CMSS1: variants seen among roughly 807,000 people sequenced by gnomAD.
The protein encoded by CMSS1 is protein CMSS1.
In CMSS1, 33 loss-of-function variants were observed where a neutral mutation model predicts 43.5. That is an observed-to-expected ratio of 0.76 (90% CI 0.57 to 1.01). The LOEUF (loss-of-function observed/expected upper bound fraction) is 1.01. Ranked by LOEUF, CMSS1 falls within the 50% of genes least tolerant of loss-of-function variation. CMSS1 has a pLI of 0.00. For missense variants in CMSS1, 313 were observed against 326.4 expected (o/e 0.96, Z 0.32); for synonymous variants, 115 against 117.2 (o/e 0.98, Z 0.12).
intron 1 of CMSS1, among the ~76,000 whole-genome samples, chr3:99,917,998 G>T (rs567984205): frequency 1.3e-4 from 20 of 152,130 alleles, no homozygotes; most frequent in African/African-American, 4.8e-4. Context: ...TTTTTTTTGA[G>T]ACAGATTCTT....
intron 7 of CMSS1, 154 bp from the exon 8 acceptor site, chr3:100,172,162 A>G (rs544699406): frequency 4.5e-6 from 3 of 673,388 alleles, no homozygotes; most frequent in Non-Finnish European, 7.6e-6. Context: ...TTTTCTAGGG[A>G]TATGCTCATC....
chr3:99,968,856 A>G (rs1050561120), intron 1 of CMSS1, among the ~76,000 whole-genome samples: 104 of 152,208 alleles, frequency 6.8e-4, no homozygotes, highest in Non-Finnish European at 1.8e-4. Flanking sequence ...GTAAATGGGT[A>G]GGGTAAGAAA....
chr3:99,848,946 A>T, intron 1 of CMSS1: 2 of 1,614,142 alleles, frequency 1.2e-6, no homozygotes, highest in South Asian at 2.2e-5. Flanking sequence ...TGTTTTGTAC[A>T]TGGTCTGGAG....
At chr3:99,956,726 A>G (rs1156589722) in intron 1 of CMSS1, among the ~76,000 whole-genome samples, 2 of 152,132 alleles carry the variant, frequency 1.3e-5, no homozygotes, top group African/African-American at 4.8e-5. Context: ...CTGTAGCTGT[A>G]GTTTCTTTCT....
rs12636771 is a variant in CMSS1 at position 100,156,049 on chromosome 3, G to A, written c.154-4381G>A. The stretch of plus-strand genomic sequence containing the variant: ...AATCTGGAGTTTTATGTTCTAGAAA[G>A]TTTCCTTCAGGCAACACAAAAGTTT... On this transcript the variant is annotated intron_variant, in intron 2 of 9. Coordinates refer to ENST00000421999, the MANE Select transcript of CMSS1 (RefSeq NM_032359.4). 3.9e-4 allele frequency among the ~76,000 whole-genome samples: 59 copies of A among 151,996 alleles called. No homozygotes were observed. The East Asian group carries it at 0.011, about 27-fold the overall frequency.
intron 1 of CMSS1, among the ~76,000 whole-genome samples, chr3:99,903,030 C>T (rs1576560179): frequency 6.6e-6 from 1 of 152,114 alleles, no homozygotes; most frequent in Admixed American, 6.5e-5. Context: ...GGTCAAACTT[C>T]TGGGTTTAAT....
chr3:99,850,724 T>C (rs755320859), intron 1 of CMSS1: 4 of 1,614,232 alleles, frequency 2.5e-6, no homozygotes, highest in Middle Eastern at 1.6e-4. Context: ...CGATTTTGAC[T>C]GTCCTCATTG....
chr3:100,072,141 C>T (rs899442283), intron 1 of CMSS1, among the ~76,000 whole-genome samples: 1 of 152,178 alleles, frequency 6.6e-6, no homozygotes, highest in Non-Finnish European at 1.5e-5. Flanking sequence ...TATTTTAAGA[C>T]CAAACACTAG....
intron 1 of CMSS1, among the ~76,000 whole-genome samples, chr3:99,884,528 C>T (rs972578383): frequency 6.6e-6 from 1 of 152,136 alleles, no homozygotes; most frequent in African/African-American, 2.4e-5. Flanking sequence ...AGCCTACTGT[C>T]TGTCAGTCAC....
intron 1 of CMSS1, among the ~76,000 whole-genome samples, chr3:100,135,438 ATGTGTGTGTGTGTGTGTGTGTGTGTGTG>A (rs71132511): frequency 2.2e-4 from 26 of 120,836 alleles, no homozygotes; most frequent in African/African-American, 7.5e-4. Context: ...GTGTGTGTGC[ATGTGTGTGTGTGTGTGTGTGTGTGTGTG>A]TGTGTGTGTG....
At chr3:100,003,343 T>C (rs1455820317) in intron 1 of CMSS1, among the ~76,000 whole-genome samples, 1 of 152,232 alleles carries the variant, frequency 6.6e-6, no homozygotes, top group Non-Finnish European at 1.5e-5. Context: ...GCACCTGCCA[T>C]ATGCCCAGCA....
At position 100,087,948 on chromosome 3, in the gene CMSS1, A is replaced by G. The variant is rs1031542313; in HGVS notation, c.65-59025A>G. 4.0e-5 allele frequency among the ~76,000 whole-genome samples: 6 copies of G among 149,484 alleles called. No individual in the cohort carries two copies. The Admixed American group carries it at 4.1e-4, about 10-fold the overall frequency. ...AGGGTTCAAGCAATTCTCCTGCCTCAGCCTCTCAAGTAGCTGGGATTACAG... is the reference window on the plus strand; with the variant it reads ...AGGGTTCAAGCAATTCTCCTGCCTCGGCCTCTCAAGTAGCTGGGATTACAG... On this transcript the variant is annotated intron_variant, in intron 1 of 9. Transcript: ENST00000421999.
chr3:100,118,244 T>C (rs2066592317), intron 1 of CMSS1, among the ~76,000 whole-genome samples: 1 of 151,942 alleles, frequency 6.6e-6, no homozygotes, highest in South Asian at 2.1e-4. Flanking sequence ...TAATATGTTC[T>C]GTGTATTTAC....
At chr3:99,930,364 G>C (rs1489050611) in intron 1 of CMSS1, among the ~76,000 whole-genome samples, 1 of 152,172 alleles carries the variant, frequency 6.6e-6, no homozygotes, top group Non-Finnish European at 1.5e-5. Context: ...ATGTGTACCA[G>C]CTGTTTTTAG....
At chr3:99,972,080 T>C (rs985786383) in intron 1 of CMSS1, among the ~76,000 whole-genome samples, 8 of 152,200 alleles carry the variant, frequency 5.3e-5, no homozygotes, top group Non-Finnish European at 1.0e-4. Context: ...CGAATATTAT[T>C]GAGAGGAACC....
intron 1 of CMSS1, chr3:100,115,035 A>G: frequency 7.3e-7 from 1 of 1,372,290 alleles, no homozygotes; most frequent in Non-Finnish European, 1.0e-6. Flanking sequence ...TTTGTTTTAT[A>G]TTATTCAAGT....
intron 1 of CMSS1, among the ~76,000 whole-genome samples, chr3:99,869,697 T>A (rs1267592049): frequency 6.6e-6 from 1 of 152,234 alleles, no homozygotes; most frequent in Non-Finnish European, 1.5e-5. Flanking sequence ...ACTTAAGTCT[T>A]GCGAGCCCAA....
At position 99,849,122 on chromosome 3, in the gene CMSS1, A is replaced by C. The variant is rs754626600; in HGVS notation, c.64+31079A>C. 3 of 1,613,964 alleles carry C rather than the reference A, an allele frequency of 1.9e-6. No homozygotes were observed. The South Asian group carries it at 3.3e-5, about 18-fold the overall frequency. On this transcript the variant is annotated intron_variant, in intron 1 of 9. Coordinates refer to ENST00000421999, the MANE Select transcript of CMSS1 (RefSeq NM_032359.4). Reference sequence around the variant, plus strand: ...TTTCTGTTAACAGGACATGGAGTAGACTGGCTGCATTTGAAGGACAGCACA... The same window carrying C: ...TTTCTGTTAACAGGACATGGAGTAGCCTGGCTGCATTTGAAGGACAGCACA...
chr3:99,971,766 C>T (rs1708829125), intron 1 of CMSS1, among the ~76,000 whole-genome samples: 1 of 152,226 alleles, frequency 6.6e-6, no homozygotes, highest in South Asian at 2.1e-4. Flanking sequence ...AAGGAGTCCT[C>T]TCCCTGCAAC....
Sources: gnomAD v4.1 joint callset for allele counts (sites outside exome capture counted in the v4.1 genomes callset) on GRCh38, gnomAD v4.1.1 for gene constraint, MANE v1.5 for transcripts, NCBI Gene and HGNC (gene_info 2026-07-23, HGNC 2026-07-21) for gene names.